The following ADAMTS19 variants were observed in gnomAD, a reference collection of about 807,000 sequenced individuals.
The protein encoded by ADAMTS19 is A disintegrin and metalloproteinase with thrombospondin motifs 19.
In ADAMTS19, 93 loss-of-function variants were observed where a neutral mutation model predicts 153.3. That is an observed-to-expected ratio of 0.61 (90% CI 0.51 to 0.72). The LOEUF (loss-of-function observed/expected upper bound fraction) is 0.72. Among genes scored for constraint, ADAMTS19 ranks in the 30% least tolerant of loss-of-function variants. The probability of loss-of-function intolerance (pLI) is 0.00; values close to 1 mark genes in which losing one functional copy is unlikely to be tolerated. For missense variants in ADAMTS19, 1,482 were observed against 1,552.1 expected (o/e 0.95, Z 0.76); for synonymous variants, 600 against 556.6 (o/e 1.08, Z -1.10).
intron 7 of ADAMTS19, among the ~76,000 whole-genome samples, chr5:129,579,418 G>A (rs1749392765): frequency 6.6e-6 from 1 of 152,172 alleles, no homozygotes; most frequent in African/African-American, 2.4e-5. Context: ...AGTTTCTTTT[G>A]CTGTGCAGAA....
At chr5:129,638,629 TTC>T (rs1752640572) in intron 10 of ADAMTS19, among the ~76,000 whole-genome samples, 1 of 151,320 alleles carries the variant, frequency 6.6e-6, no homozygotes, top group Non-Finnish European at 1.5e-5. Context: ...TATAATAAAG[TTC>T]TGTTATTAGA....
intron 6 of ADAMTS19, among the ~76,000 whole-genome samples, chr5:129,532,063 C>CA (rs968525155): frequency 2.6e-5 from 4 of 151,038 alleles, no homozygotes; most frequent in Middle Eastern, 3.5e-3. Context: ...TCTATTGTAG[C>CA]AAAAAAAATA....
intron 3 of ADAMTS19, among the ~76,000 whole-genome samples, chr5:129,513,201 CT>C (rs1160738376): frequency 6.7e-6 from 1 of 148,296 alleles, no homozygotes; most frequent in Non-Finnish European, 1.5e-5. Flanking sequence ...CAAGTAACAA[CT>C]AAAAAAAAAA....
intron 6 of ADAMTS19, among the ~76,000 whole-genome samples, chr5:129,550,058 G>A (rs1228517995): frequency 1.4e-5 from 1 of 71,334 alleles, no homozygotes; most frequent in Non-Finnish European, 2.8e-5. Flanking sequence ...ATCTGTATAT[G>A]TATGTATCTA....
intron 15 of ADAMTS19, among the ~76,000 whole-genome samples, chr5:129,662,262 G>A (rs1205887868): frequency 6.6e-6 from 1 of 152,150 alleles, no homozygotes; most frequent in Non-Finnish European, 1.5e-5. Flanking sequence ...TATAAAATAG[G>A]ATGTTACTGT....
At chr5:129,514,580 A>G (rs1266742072) in intron 3 of ADAMTS19, among the ~76,000 whole-genome samples, 1 of 152,014 alleles carries the variant, frequency 6.6e-6, no homozygotes, top group Non-Finnish European at 1.5e-5. Context: ...TGCCATTTGT[A>G]TGTCTTCTTT....
intron 21 of ADAMTS19, among the ~76,000 whole-genome samples, chr5:129,718,244 A>C (rs1756818545): frequency 6.6e-6 from 1 of 151,980 alleles, no homozygotes; most frequent in Admixed American, 6.6e-5. Flanking sequence ...TAAATCATTC[A>C]TAAGCAATCT....
At chr5:129,710,784 A>G (rs1462416348) in intron 21 of ADAMTS19, among the ~76,000 whole-genome samples, 1 of 152,194 alleles carries the variant, frequency 6.6e-6, no homozygotes, top group Non-Finnish European at 1.5e-5. Flanking sequence ...GAGTCTTTGA[A>G]AGAAATTTGA....
intron 7 of ADAMTS19, among the ~76,000 whole-genome samples, chr5:129,554,045 T>G (rs1182667578): frequency 6.6e-6 from 1 of 152,144 alleles, no homozygotes; most frequent in Non-Finnish European, 1.5e-5. Flanking sequence ...GCACTTATCT[T>G]GTAAGTGCTA....
chr5:129,567,920 C>T (rs1753770214), intron 7 of ADAMTS19, among the ~76,000 whole-genome samples: 1 of 152,032 alleles, frequency 6.6e-6, no homozygotes, highest in Admixed American at 6.5e-5. Context: ...CACCAAAAAA[C>T]AAGCTGTTAT....
chr5:129,702,366 T>A (rs1156825698), intron 20 of ADAMTS19, among the ~76,000 whole-genome samples: 1 of 152,222 alleles, frequency 6.6e-6, no homozygotes, highest in Non-Finnish European at 1.5e-5. Context: ...TTCACACATG[T>A]ACCAACACAC....
rs1561631998 is a variant in ADAMTS19 at position 129,658,284 on chromosome 5, T to TGAAAGAAAAAGAAA, written c.2305-324_2305-311dup. Among the ~76,000 whole-genome samples the TGAAAGAAAAAGAAA allele has an allele frequency of 2.4e-4, 30 of 124,158 alleles. 1 individual carries two copies. The highest frequency in any genetic ancestry group is 9.6e-4 in the African/African-American group (30 of 31,254). The allele number at this position is 124,158 out of a possible 152,430, so 81.5% of individuals were successfully genotyped here. ...CTAGGTGACAGAACCAGACCCCATC[T>TGAAAGAAAAAGAAA]GAAAGAAAAAGAAAGAAAGAAAGAA... On this transcript the variant is annotated intron_variant, in intron 14 of 22. Coordinates refer to ENST00000274487, the MANE Select transcript of ADAMTS19 (RefSeq NM_133638.6).
intron 6 of ADAMTS19, among the ~76,000 whole-genome samples, chr5:129,549,270 T>C (rs1752979492): frequency 2.6e-5 from 4 of 151,062 alleles, no homozygotes; most frequent in Admixed American, 2.0e-4. Context: ...AACATATCAA[T>C]AATAGAAAAG....
rs78651976 is a variant in ADAMTS19, at chr5:129,729,675, A to C, written c.3313-5257A>C. On this transcript the variant is annotated intron_variant, in intron 21 of 22. Transcript: ENST00000274487. ...TTACAAAACGTAATTTGCCTATAAAATGCAACTAACATCTTTTCTTAGACC... is the reference window on the plus strand; with the variant it reads ...TTACAAAACGTAATTTGCCTATAAACTGCAACTAACATCTTTTCTTAGACC... Among the ~76,000 whole-genome samples the C allele has an allele frequency of 5.2e-3, 794 of 152,182 alleles. 4 individuals carry two copies. Among genetic ancestry groups the C allele is most frequent in the African/African-American group, 0.017 (726 of 41,550 alleles).
chr5:129,712,357 T>A (rs959960277), intron 21 of ADAMTS19, among the ~76,000 whole-genome samples: 14 of 152,204 alleles, frequency 9.2e-5, no homozygotes, highest in Non-Finnish European at 1.9e-4. Flanking sequence ...AAGAAACATT[T>A]TACATTTTAT....
intron 6 of ADAMTS19, among the ~76,000 whole-genome samples, chr5:129,549,332 A>C (rs79612540): frequency 6.6e-6 from 1 of 151,632 alleles, no homozygotes; most frequent in Admixed American, 6.6e-5. Flanking sequence ...AAATTTCACT[A>C]TGTGTTCTTT....
Position 129,735,070 on chromosome 5 carries a change from G to A in ADAMTS19, c.3451G>A (p.Glu1151Lys), listed in dbSNP as rs1757606230. The A allele has an allele frequency of 1.9e-6, 3 of 1,603,432 alleles. No homozygotes were observed. Among genetic ancestry groups the A allele is most frequent in the Admixed American group, 1.7e-5 (1 of 57,846 alleles). The change falls in exon 22 of 23, where the codon GAG becomes AAG. Residue 1151 changes from glutamate (E) to lysine (K), a missense_variant. By Grantham distance (56) the Glu-to-Lys change is moderately conservative. Coordinates refer to ENST00000274487, the MANE Select transcript of ADAMTS19 (RefSeq NM_133638.6). Reference protein sequence around the residue: ...YRPCHLQPCNEKINVNTITSP... With the variant: ...YRPCHLQPCNKKINVNTITSP... ...GCCATGCCATCTTCAACCCTGCAAT[G>A]AGAAAATTAATGTAAATACCATAAC...
intron 3 of ADAMTS19, among the ~76,000 whole-genome samples, chr5:129,524,737 C>T (rs528903882): frequency 6.7e-6 from 1 of 150,060 alleles, no homozygotes; most frequent in African/African-American, 2.4e-5. Flanking sequence ...ACGTTCTGCA[C>T]ATGTATCCCA....
chr5:129,555,756 C>A (rs1417490700), intron 7 of ADAMTS19, among the ~76,000 whole-genome samples: 1 of 152,182 alleles, frequency 6.6e-6, no homozygotes, highest in Non-Finnish European at 1.5e-5. Flanking sequence ...TACCTCAGAT[C>A]TTCTGACTGT....
Sources: gnomAD v4.1 joint callset for allele counts (sites outside exome capture counted in the v4.1 genomes callset) on GRCh38, gnomAD v4.1.1 for gene constraint, MANE v1.5 for transcripts, NCBI Gene and HGNC (gene_info 2026-07-23, HGNC 2026-07-21) for gene names.